The following SLC4A8 variants were observed in gnomAD, a reference collection of about 807,000 sequenced individuals.
SLC4A8 encodes solute carrier family 4 member 8, also known as electroneutral sodium bicarbonate exchanger 1.
A neutral mutation model predicts 125.0 loss-of-function variants in SLC4A8; 40 were observed. The ratio of observed to expected loss-of-function variants is 0.32; its 90% CI spans 0.25 to 0.42. The LOEUF is 0.42. Ranked by LOEUF, SLC4A8 falls within the 10% of genes least tolerant of loss-of-function variation. SLC4A8 has a pLI of 1.00. For synonymous variants in SLC4A8, 456 were observed against 476.0 expected (o/e 0.96, Z 0.55); for missense variants, 863 against 1,355.1 (o/e 0.64, Z 5.70).
At chr12:51,428,372 G>A (rs1035309312) in intron 1 of SLC4A8, among the ~76,000 whole-genome samples, 4 of 152,098 alleles carry the variant, frequency 2.6e-5, no homozygotes, top group African/African-American at 7.2e-5. Context: ...GTATAAAATT[G>A]GTGCTCAATT....
rs1235198541 is a variant in SLC4A8 at position 51,438,913 on chromosome 12, ATTTG to A, written c.49-1789_49-1786del. On this transcript the variant is annotated intron_variant, in intron 1 of 24. Transcript: ENST00000453097. ...GCATTTTTTCATATATTTGTTGACTATTTGTTTGTCTTTTGAGAATTGTGTATTC... is the reference window on the plus strand; with the variant it reads ...GCATTTTTTCATATATTTGTTGACTATTTGTCTTTTGAGAATTGTGTATTC... 4.4e-5 allele frequency among the ~76,000 whole-genome samples: 6 copies of A among 136,442 alleles called. No individual in the cohort carries two copies. In the South Asian group the frequency reaches 6.6e-4, roughly 15 times the overall value. 89.5% of individuals were successfully genotyped at this position (136,442 alleles called of 152,430 possible).
At chr12:51,485,562 G>A (rs1349132968) in intron 16 of SLC4A8, among the ~76,000 whole-genome samples, 1 of 152,088 alleles carries the variant, frequency 6.6e-6, no homozygotes, top group Non-Finnish European at 1.5e-5. Context: ...GGATGGTCTG[G>A]GTTATGTTAG....
chr12:51,421,101 G>A (rs1053166283), upstream of SLC4A8, among the ~76,000 whole-genome samples: 1 of 152,066 alleles, frequency 6.6e-6, no homozygotes, highest in African/African-American at 2.4e-5. Flanking sequence ...GCCTCTTTCT[G>A]GGCTGACTGA....
rs964132800 is a variant in SLC4A8 at position 51,462,212 on chromosome 12, A to AAAATCAAC, written c.1102-96_1102-89dup. 4 of 1,143,252 alleles carry AAAATCAAC rather than the reference A, an allele frequency of 3.5e-6. No individual in the cohort carries two copies. In the African/African-American group the frequency reaches 6.1e-5, roughly 17 times the overall value. The allele number at this position is 1,143,252 out of a possible 1,614,324, so 70.8% of individuals were successfully genotyped here. On this transcript the variant is annotated intron_variant, in intron 9 of 24. Transcript: ENST00000453097. Reference sequence around the variant, plus strand: ...ATCTCAGATCCCCGTGACAGAGATAAAAATCAACAGGTTGTATTCATTTTT... The same window carrying AAAATCAAC: ...ATCTCAGATCCCCGTGACAGAGATAAAAATCAACAAATCAACAGGTTGTATTCATTTTT...
intron 22 of SLC4A8, chr12:51,501,781 G>T (rs1223714751): frequency 1.3e-5 from 2 of 152,188 alleles, no homozygotes; most frequent in African/African-American, 2.4e-5. Flanking sequence ...CAACAGTGTA[G>T]AAGTGTTCAC....
chr12:51,415,690 G>A (rs1948673201), intron 1 of SLC4A8, among the ~76,000 whole-genome samples: 1 of 151,310 alleles, frequency 6.6e-6, no homozygotes, highest in African/African-American at 2.4e-5. Flanking sequence ...TCATTGTAAT[G>A]TAAACCTTTA....
At chr12:51,449,669 G>T (rs1182964276) in intron 2 of SLC4A8, among the ~76,000 whole-genome samples, 2 of 152,156 alleles carry the variant, frequency 1.3e-5, no homozygotes, top group South Asian at 2.1e-4. Context: ...TGGGCTCCAG[G>T]TTTGGCAGGA....
upstream of SLC4A8, chr12:51,424,472 CT>C (rs1358085794): frequency 6.5e-6 from 1 of 153,568 alleles, no homozygotes; most frequent in East Asian, 1.9e-4. Flanking sequence ...GCCCTCTCCC[CT>C]CATCCGCAAT....
intron 14 of SLC4A8, 190 bp downstream of exon 14, chr12:51,471,722 A>T: frequency 1.6e-6 from 1 of 615,132 alleles, no homozygotes; most frequent in African/African-American, 1.8e-5. Flanking sequence ...GTTGACAGAG[A>T]AGATCGACTA....
chr12:51,469,596 T>A lies in SLC4A8; in HGVS notation c.1350-18T>A, dbSNP rs1003681220. 1 of 1,611,564 alleles carries A rather than the reference T, an allele frequency of 6.2e-7. No individual in the cohort carries two copies. ...GAAGACGGACTGTGTTAGAAGCCTG[T>A]CTGTTGTGTTTCCACAGGCTATTTG... is the stretch of plus-strand genomic sequence containing the variant. On this transcript the variant is annotated intron_variant, in intron 11 of 24. Coordinates refer to ENST00000453097, the MANE Select transcript of SLC4A8 (RefSeq NM_001039960.3).
intron 8 of SLC4A8, among the ~76,000 whole-genome samples, chr12:51,460,614 C>T (rs950933995): frequency 1.3e-5 from 2 of 152,168 alleles, no homozygotes; most frequent in African/African-American, 2.4e-5. Flanking sequence ...AGCCATATTC[C>T]AGGGGAACGT....
chr12:51,504,875 G>A (rs1310859959), intron 23 of SLC4A8, among the ~76,000 whole-genome samples: 1 of 152,184 alleles, frequency 6.6e-6, no homozygotes, highest in Non-Finnish European at 1.5e-5. Context: ...CTAGCATCTT[G>A]TTTCTGAATT....
At position 51,488,924 on chromosome 12, in the gene SLC4A8, G is replaced by A. The variant is rs542081647; in HGVS notation, c.2448+64G>A. 22 of 1,365,024 alleles carry A rather than the reference G, an allele frequency of 1.6e-5. No individual in the cohort carries two copies. In the African/African-American group the frequency reaches 1.9e-4, roughly 12 times the overall value. 84.6% of individuals were successfully genotyped at this position (1,365,024 alleles called of 1,614,324 possible). On this transcript the variant is annotated intron_variant, in intron 18 of 24. Coordinates refer to ENST00000453097, the MANE Select transcript of SLC4A8 (RefSeq NM_001039960.3). ...CCTGTTACATTTTCGTAAAATTTTA[G>A]GGTAAGCACATCTAGACCAGAAATT... is the stretch of plus-strand genomic sequence containing the variant.
chr12:51,423,701 G>A (rs1948848641), upstream of SLC4A8, among the ~76,000 whole-genome samples: 1 of 152,084 alleles, frequency 6.6e-6, no homozygotes, highest in South Asian at 2.1e-4. Flanking sequence ...ACCCCAATTT[G>A]GACCTACCTG....
chr12:51,460,613 C>T (rs936405562), intron 8 of SLC4A8, among the ~76,000 whole-genome samples: 14 of 152,190 alleles, frequency 9.2e-5, no homozygotes, highest in Non-Finnish European at 1.8e-4. Context: ...GAGCCATATT[C>T]CAGGGGAACG....
intron 1 of SLC4A8, among the ~76,000 whole-genome samples, chr12:51,392,581 AAAAAAG>A (rs1305792422): frequency 1.4e-4 from 21 of 150,938 alleles, no homozygotes; most frequent in Admixed American, 4.0e-4. Flanking sequence ...CAAAAAAAAA[AAAAAAG>A]AAAAAAAGAA....
At chr12:51,430,920 G>A (rs1308635676) in intron 1 of SLC4A8, among the ~76,000 whole-genome samples, 1 of 152,174 alleles carries the variant, frequency 6.6e-6, no homozygotes, top group Non-Finnish European at 1.5e-5. Flanking sequence ...CCATAACAAA[G>A]TACCACATAT....
intron 23 of SLC4A8, among the ~76,000 whole-genome samples, chr12:51,505,312 G>A (rs1041202604): frequency 3.1e-4 from 47 of 152,174 alleles, no homozygotes; most frequent in African/African-American, 1.1e-3. Context: ...TTTGACCTTG[G>A]ATAGTCACTT....
chr12:51,461,747 A>G (rs922526902), intron 9 of SLC4A8: 1 of 179,970 alleles, frequency 5.6e-6, no homozygotes, highest in Non-Finnish European at 1.2e-5. Flanking sequence ...ACAACCAGAT[A>G]TTTTGACATT....
Sources: allele counts gnomAD v4.1 joint callset (sites outside exome capture counted in the v4.1 genomes callset), GRCh38; gene constraint gnomAD v4.1.1; transcripts MANE v1.5; gene names NCBI Gene and HGNC (gene_info 2026-07-23, HGNC 2026-07-21).